The following TEX14 variants were observed in gnomAD, a reference collection of about 807,000 sequenced individuals.
The protein encoded by TEX14 is inactive serine/threonine-protein kinase TEX14.
In TEX14, 168 loss-of-function variants were observed where a neutral mutation model predicts 178.6. The observed-to-expected ratio is 0.94, with a 90% CI of 0.83 to 1.07. The LOEUF (loss-of-function observed/expected upper bound fraction) is 1.07, where lower values mean the gene tolerates loss of function less well. Ranked by LOEUF, TEX14 falls within the 50% of genes least tolerant of loss-of-function variation. The pLI, the probability that TEX14 is intolerant of heterozygous loss-of-function variation, is 0.00. For missense variants in TEX14, 1,730 were observed against 1,753.6 expected (o/e 0.99, Z 0.24); for synonymous variants, 626 against 634.1 (o/e 0.99, Z 0.19).
At chr17:58,647,302 T>A (rs948151869) in intron 2 of TEX14, among the ~76,000 whole-genome samples, 7 of 151,416 alleles carry the variant, frequency 4.6e-5, no homozygotes, top group Non-Finnish European at 1.0e-4. Flanking sequence ...GAGGCCGAGG[T>A]GGGCAGATCA....
intron 1 of TEX14, among the ~76,000 whole-genome samples, chr17:58,654,413 G>A (rs2046905064): frequency 6.6e-6 from 1 of 150,408 alleles, no homozygotes; most frequent in Admixed American, 6.6e-5. Flanking sequence ...GATATAGATT[G>A]AATGAAACAC....
chr17:58,563,951 A>G (rs1349466457), intron 28 of TEX14, among the ~76,000 whole-genome samples: 1 of 151,576 alleles, frequency 6.6e-6, no homozygotes, highest in Non-Finnish European at 1.5e-5. Flanking sequence ...AACTACAGTG[A>G]GGCACCACCT....
chr17:58,648,786 CTTTTTTTTTTTTT>C (rs34918333), intron 2 of TEX14, among the ~76,000 whole-genome samples: 3 of 89,710 alleles, frequency 3.3e-5, no homozygotes, highest in African/African-American at 1.3e-4. Context: ...CTTTTTTTTT[CTTTTTTTTTTTTT>C]TTTTTTTTGA....
intron 3 of TEX14, among the ~76,000 whole-genome samples, chr17:58,629,733 G>A (rs1188970314): frequency 6.6e-6 from 1 of 151,182 alleles, no homozygotes; most frequent in African/African-American, 2.4e-5. Flanking sequence ...TCCTCAGGAG[G>A]CTGAGGCAGG....
At chr17:58,661,670 T>G (rs2047114658) in intron 1 of TEX14, 1 of 617,694 alleles carries the variant, frequency 1.6e-6, no homozygotes, top group Admixed American at 2.9e-5. Flanking sequence ...GGCGTAGATT[T>G]CTAACAACCA....
At chr17:58,572,257 CAAA>C in intron 23 of TEX14, 131 bp from the exon 24 acceptor site, 2 of 365,984 alleles carry the variant, frequency 5.5e-6, no homozygotes, top group East Asian at 4.7e-5. Flanking sequence ...ATTATTAAAA[CAAA>C]CAAACAAACA....
intron 30 of TEX14, among the ~76,000 whole-genome samples, chr17:58,558,654 T>C (rs1484067112): frequency 2.0e-5 from 3 of 152,166 alleles, no homozygotes; most frequent in Non-Finnish European, 4.4e-5. Flanking sequence ...AGTCTCTTAC[T>C]TTCCTGAGTA....
intron 2 of TEX14, among the ~76,000 whole-genome samples, chr17:58,647,397 T>A (rs1289857613): frequency 6.6e-6 from 1 of 151,006 alleles, no homozygotes; most frequent in African/African-American, 2.4e-5. Flanking sequence ...CTGGGTGTAG[T>A]GGCGGGTGCC....
At chr17:58,625,052 C>T (rs992255013) in intron 3 of TEX14, among the ~76,000 whole-genome samples, 3 of 152,132 alleles carry the variant, frequency 2.0e-5, no homozygotes, top group Admixed American at 6.6e-5. Flanking sequence ...CACACTGCAT[C>T]GTGGGAATCA....
chr17:58,637,643 C>A (rs919968111), intron 2 of TEX14, among the ~76,000 whole-genome samples: 3 of 152,182 alleles, frequency 2.0e-5, no homozygotes, highest in South Asian at 2.1e-4. Context: ...AATCACCAAG[C>A]TTTTTCCCAC....
chr17:58,670,266 A>C (rs1422934021), intron 1 of TEX14, among the ~76,000 whole-genome samples: 1 of 152,128 alleles, frequency 6.6e-6, no homozygotes, highest in Non-Finnish European at 1.5e-5. Flanking sequence ...GAGAGTTTTC[A>C]TCTGTCACTG....
At chr17:58,664,281 T>C (rs2143405399) in intron 1 of TEX14, among the ~76,000 whole-genome samples, 1 of 152,338 alleles carries the variant, frequency 6.6e-6, no homozygotes. Context: ...TGACCACAGC[T>C]CTGAGGCCTC....
chr17:58,609,314 T>C (rs2045690767), intron 10 of TEX14, among the ~76,000 whole-genome samples: 1 of 152,192 alleles, frequency 6.6e-6, no homozygotes, highest in Admixed American at 6.5e-5. Context: ...TTTCACCGTG[T>C]TAGCCAGGAT....
At chr17:58,659,538 G>A (rs546444039) in intron 1 of TEX14, among the ~76,000 whole-genome samples, 1 of 152,248 alleles carries the variant, frequency 6.6e-6, no homozygotes, top group African/African-American at 2.4e-5. Context: ...TTATAGTAAC[G>A]TCACCACCTG....
intron 26 of TEX14, among the ~76,000 whole-genome samples, chr17:58,568,562 A>C (rs1480187140): frequency 6.6e-6 from 1 of 152,226 alleles, no homozygotes; most frequent in African/African-American, 2.4e-5. Flanking sequence ...GGCGCAGTCA[A>C]GTCTTTCCTA....
At chr17:58,655,920 C>T (rs1210751883) in intron 1 of TEX14, among the ~76,000 whole-genome samples, 1 of 152,176 alleles carries the variant, frequency 6.6e-6, no homozygotes, top group Non-Finnish European at 1.5e-5. Flanking sequence ...TGTTGGCCTC[C>T]TCAGAGGCCC....
intron 1 of TEX14, among the ~76,000 whole-genome samples, chr17:58,657,502 CTTTTTTTTTTTTTTT>C (rs35359604): frequency 6.0e-4 from 31 of 51,368 alleles, no homozygotes; most frequent in African/African-American, 2.3e-3. Flanking sequence ...ACGGGAAATG[CTTTTTTTTTTTTTTT>C]TTTTTTTTTT....
chr17:58,613,484 C>T lies in TEX14; in HGVS notation c.942G>A (p.Glu314=). 6.2e-7 allele frequency: 1 copy of T among 1,614,100 alleles called. No individual in the cohort carries two copies. ...LMAVCLSQDL[E]KTRLVYERIT... ...TGCGCTCGTACACAAGGCGGGTTTTCTCTAGGTCCTGGGAGAGACACACAG... is the reference window on the plus strand; with the variant it reads ...TGCGCTCGTACACAAGGCGGGTTTTTTCTAGGTCCTGGGAGAGACACACAG... Residue 314 remains glutamate (E), a synonymous_variant, in exon 9 of 32, where the codon GAG becomes GAA. Coordinates refer to ENST00000349033, the MANE Select transcript of TEX14 (RefSeq NM_031272.5).
At position 58,556,968 on chromosome 17, in the gene TEX14, C is replaced by T; in HGVS notation, c.*43G>A. ...AGAAGAAAGGAGCTTACAACCAGGA[C>T]ACTCAAACTCAGGCCAGGAGTCCGT... On this transcript the variant is annotated 3_prime_UTR_variant, in exon 32 of 32. Coordinates refer to ENST00000349033, the MANE Select transcript of TEX14 (RefSeq NM_031272.5). 1 of 1,533,786 alleles carries T rather than the reference C, an allele frequency of 6.5e-7. No homozygotes were observed. Among genetic ancestry groups the T allele is most frequent in the Non-Finnish European group, 9.0e-7 (1 of 1,106,778 alleles).
Sources: allele counts gnomAD v4.1 joint callset (sites outside exome capture counted in the v4.1 genomes callset), GRCh38; gene constraint gnomAD v4.1.1; transcripts MANE v1.5; gene names NCBI Gene and HGNC (gene_info 2026-07-23, HGNC 2026-07-21).